The following TMEM132D variants were observed in gnomAD, a reference collection of about 807,000 sequenced individuals.
TMEM132D encodes transmembrane protein 132D.
In TMEM132D, 21 loss-of-function variants were observed where a neutral mutation model predicts 62.3. The observed-to-expected ratio is 0.34, with a 90% CI of 0.24 to 0.49. TMEM132D has a LOEUF of 0.49. Ranked by LOEUF, TMEM132D falls within the 20% of genes least tolerant of loss-of-function variation. The pLI, the probability that TMEM132D is intolerant of heterozygous loss-of-function variation, is 0.99. For synonymous variants in TMEM132D, 621 were observed against 575.6 expected (o/e 1.08, Z -1.13); for missense variants, 1,346 against 1,402.8 (o/e 0.96, Z 0.65).
intron 3 of TMEM132D, among the ~76,000 whole-genome samples, chr12:129,515,597 C>G (rs979786797): frequency 6.6e-6 from 1 of 152,184 alleles, no homozygotes; most frequent in Non-Finnish European, 1.5e-5. Flanking sequence ...CTCCCATTCT[C>G]CCCTGAGCCA....
intron 4 of TMEM132D, among the ~76,000 whole-genome samples, chr12:129,314,525 G>A (rs573322455): frequency 6.6e-6 from 1 of 152,308 alleles, no homozygotes; most frequent in East Asian, 1.9e-4. Flanking sequence ...TGGCCTTACA[G>A]TATAGTTTGA....
chr12:129,336,746 G>A (rs546942778), intron 4 of TMEM132D, among the ~76,000 whole-genome samples: 3 of 152,156 alleles, frequency 2.0e-5, no homozygotes, highest in Admixed American at 1.3e-4. Flanking sequence ...AGGGCCACCA[G>A]AGGCAGGAGA....
chr12:129,465,740 T>C (rs535180864), intron 3 of TMEM132D, among the ~76,000 whole-genome samples: 157 of 152,208 alleles, frequency 1.0e-3, no homozygotes, highest in African/African-American at 3.7e-3. Flanking sequence ...TGGAGTGCAG[T>C]GGAGCTATCT....
chr12:129,240,201 C>T (rs1879898421), intron 4 of TMEM132D, among the ~76,000 whole-genome samples: 1 of 152,240 alleles, frequency 6.6e-6, no homozygotes, highest in South Asian at 2.1e-4. Context: ...GTGTATCCTA[C>T]AGGGCCCTTT....
At chr12:129,584,590 G>T (rs1877969170) in intron 2 of TMEM132D, among the ~76,000 whole-genome samples, 1 of 152,172 alleles carries the variant, frequency 6.6e-6, no homozygotes, top group Non-Finnish European at 1.5e-5. Context: ...GGATGGAATT[G>T]CTTTATCGCA....
intron 3 of TMEM132D, among the ~76,000 whole-genome samples, chr12:129,430,365 G>A (rs1490963037): frequency 6.6e-6 from 1 of 152,080 alleles, no homozygotes; most frequent in Admixed American, 6.5e-5. Context: ...GTGTCTTTTG[G>A]CTGCATAAAT....
At chr12:129,510,003 G>A (rs1256994754) in intron 3 of TMEM132D, among the ~76,000 whole-genome samples, 2 of 152,092 alleles carry the variant, frequency 1.3e-5, no homozygotes, top group Admixed American at 6.6e-5. Flanking sequence ...GGATTGCTGG[G>A]TCTTATGGTA....
intron 2 of TMEM132D, among the ~76,000 whole-genome samples, chr12:129,618,027 T>G (rs566759526): frequency 2.6e-5 from 4 of 152,120 alleles, no homozygotes; most frequent in African/African-American, 7.2e-5. Context: ...CACTTCCCAA[T>G]CCGTGAAATG....
rs1029529488 is a variant in TMEM132D, at chr12:129,371,068, T to G, written c.1116-33251A>C. On this transcript the variant is annotated intron_variant, in intron 3 of 8. Transcript: ENST00000422113. This position sits in a 1 kb window ranked among gnomAD's most constrained non-coding sequence, Gnocchi z 4.3. ...TCAACACAAAAAACAGATAAATATT[T>G]GATGTGATAGACCCAATTACCTTGA... 3.9e-5 allele frequency among the ~76,000 whole-genome samples: 6 copies of G among 152,170 alleles called. No homozygotes were observed. Among genetic ancestry groups the G allele is most frequent in the Non-Finnish European group, 7.3e-5 (5 of 68,030 alleles).
chr12:129,385,401 T>C (rs76493442), intron 3 of TMEM132D, among the ~76,000 whole-genome samples: 2,346 of 152,184 alleles, frequency 0.015, 34 homozygotes, highest in Middle Eastern at 0.044. Flanking sequence ...CCACCGTGCT[T>C]GGCCCTAAAG....
chr12:129,611,330 C>A (rs1417696391), intron 2 of TMEM132D, among the ~76,000 whole-genome samples: 1 of 152,164 alleles, frequency 6.6e-6, no homozygotes, highest in Non-Finnish European at 1.5e-5. Flanking sequence ...ACACTAGCTA[C>A]CCTCAGTTTG....
chr12:129,833,023 C>G (rs1221537366), intron 1 of TMEM132D, among the ~76,000 whole-genome samples: 1 of 152,220 alleles, frequency 6.6e-6, no homozygotes. Context: ...ACTGATGCCT[C>G]TCGCAAATTA....
At chr12:129,502,216 G>A (rs368528071) in intron 3 of TMEM132D, among the ~76,000 whole-genome samples, 1 of 151,804 alleles carries the variant, frequency 6.6e-6, no homozygotes, top group Non-Finnish European at 1.5e-5. Context: ...AGCCAGGATG[G>A]TCTTGATCTC....
At chr12:129,719,915 C>T (rs1198536121) in intron 1 of TMEM132D, among the ~76,000 whole-genome samples, 2 of 152,092 alleles carry the variant, frequency 1.3e-5, no homozygotes, top group South Asian at 2.1e-4. Context: ...AGCTATTTAA[C>T]GGCTGGAATT....
At chr12:129,837,296 T>C (rs1873036486) in intron 1 of TMEM132D, among the ~76,000 whole-genome samples, 2 of 152,218 alleles carry the variant, frequency 1.3e-5, no homozygotes, top group Non-Finnish European at 2.9e-5. Context: ...ATATTCCCTT[T>C]TCATGGGAAG....
chr12:129,421,874 A>G (rs1872334383), intron 3 of TMEM132D, among the ~76,000 whole-genome samples: 1 of 152,160 alleles, frequency 6.6e-6, no homozygotes, highest in African/African-American at 2.4e-5. Context: ...TATTTAAAGC[A>G]AGTTTTAATT....
intron 1 of TMEM132D, among the ~76,000 whole-genome samples, chr12:129,899,118 T>G (rs1875245655): frequency 6.6e-6 from 1 of 150,688 alleles, no homozygotes; most frequent in Admixed American, 6.6e-5. Context: ...AATATGCAGA[T>G]GGATGGAATG....
At chr12:129,901,980 G>C (rs1307676735) in intron 1 of TMEM132D, among the ~76,000 whole-genome samples, 3 of 151,674 alleles carry the variant, frequency 2.0e-5, no homozygotes, top group Non-Finnish European at 2.9e-5. Flanking sequence ...TTGGTTTCCT[G>C]TGCACATTAT....
chr12:129,583,292 G>A (rs1877930711), intron 2 of TMEM132D, among the ~76,000 whole-genome samples: 1 of 152,184 alleles, frequency 6.6e-6, no homozygotes, highest in African/African-American at 2.4e-5. Flanking sequence ...CAAAACTATA[G>A]TGATGGGAAG....
Sources: allele counts gnomAD v4.1 joint callset (sites outside exome capture counted in the v4.1 genomes callset), GRCh38; gene constraint gnomAD v4.1.1; non-coding constraint Gnocchi (gnomAD v3.1); transcripts MANE v1.5; gene names NCBI Gene and HGNC (gene_info 2026-07-23, HGNC 2026-07-21).